Variants in GPR158 observed in about 807,000 individuals in gnomAD.
GPR158 encodes metabotropic glycine receptor.
Under a neutral mutation model 78.2 loss-of-function variants are expected in GPR158, and 30 were observed. That is an observed-to-expected ratio of 0.38 (90% CI 0.29 to 0.52). The LOEUF (loss-of-function observed/expected upper bound fraction) is 0.52. Among genes scored for constraint, GPR158 ranks in the 20% least tolerant of loss-of-function variants. The pLI is 0.83. For synonymous variants in GPR158, 581 were observed against 591.1 expected (o/e 0.98, Z 0.25); for missense variants, 1,463 against 1,523.5 (o/e 0.96, Z 0.66).
chr10:25,252,223 T>C (rs995024796), intron 2 of GPR158, among the ~76,000 whole-genome samples: 3 of 150,620 alleles, frequency 2.0e-5, no homozygotes, highest in Non-Finnish European at 4.5e-5. Context: ...TTCTAAATTT[T>C]TTTCAAAGTT....
At chr10:25,482,284 T>C (rs900308063) in intron 5 of GPR158, among the ~76,000 whole-genome samples, 2 of 152,080 alleles carry the variant, frequency 1.3e-5, no homozygotes, top group African/African-American at 2.4e-5. Context: ...TCTGGGCTTA[T>C]GCGATCCTCC....
intron 2 of GPR158, among the ~76,000 whole-genome samples, chr10:25,310,246 C>T (rs1452866468): frequency 6.6e-6 from 1 of 152,162 alleles, no homozygotes; most frequent in African/African-American, 2.4e-5. Context: ...CTGTTCAGTT[C>T]CATCAATCTA....
chr10:25,348,124 C>T (rs546286897), intron 2 of GPR158, among the ~76,000 whole-genome samples: 23 of 151,934 alleles, frequency 1.5e-4, no homozygotes, highest in South Asian at 8.3e-4. Context: ...TGCAGCTCTC[C>T]GAATCATCCT....
At chr10:25,202,162 A>T (rs1852938773) in intron 1 of GPR158, among the ~76,000 whole-genome samples, 1 of 151,894 alleles carries the variant, frequency 6.6e-6, no homozygotes, top group African/African-American at 2.4e-5. Context: ...TACTTTTTAT[A>T]CTGATTTAAT....
intron 4 of GPR158, among the ~76,000 whole-genome samples, chr10:25,445,878 A>T (rs1302662803): frequency 6.6e-6 from 1 of 152,142 alleles, no homozygotes; most frequent in African/African-American, 2.4e-5. Context: ...AACAGGTTTG[A>T]ATGGACAAAG....
intron 1 of GPR158, among the ~76,000 whole-genome samples, chr10:25,210,413 G>C (rs1271717908): frequency 6.6e-6 from 1 of 152,180 alleles, no homozygotes; most frequent in African/African-American, 2.4e-5. Context: ...TCATAGGGAG[G>C]GGTAAACTCA....
At chr10:25,382,266 A>G (rs547618559) in intron 2 of GPR158, among the ~76,000 whole-genome samples, 42 of 152,344 alleles carry the variant, frequency 2.8e-4, no homozygotes, top group Non-Finnish European at 5.0e-4. Flanking sequence ...TTCCTGAGTC[A>G]GTCTCAGCCC....
At chr10:25,395,763 A>T (rs1388340944) in intron 2 of GPR158, 148 bp from the exon 3 acceptor site, 2 of 499,158 alleles carry the variant, frequency 4.0e-6, no homozygotes, top group Non-Finnish European at 7.2e-6. Context: ...TGTTGGCACA[A>T]CAAAACTGAA....
Position 25,175,679 on chromosome 10 carries a change from T to G in GPR158, c.259T>G (p.Tyr87Asp). The G allele has an allele frequency of 6.2e-7, 1 of 1,611,630 alleles. No individual in the cohort carries two copies. Among genetic ancestry groups the G allele is most frequent in the Non-Finnish European group, 8.5e-7 (1 of 1,179,926 alleles). Reference sequence around the variant, plus strand: ...GCCCATGGACGTGGCCTCTTACCTCTACACCGGGGACTCCCACCAGCTGAA... The same window carrying G: ...GCCCATGGACGTGGCCTCTTACCTCGACACCGGGGACTCCCACCAGCTGAA... ...EVPMDVASYL[Y>D]TGDSHQLKRA... Residue 87 changes from tyrosine (Y) to aspartate (D), a missense_variant, in exon 1 of 11, where the codon TAC (tyrosine) becomes GAC (aspartate). Physicochemically the swap from Tyr to Asp is radical, Grantham distance 160. Transcript: ENST00000376351. The surrounding 1 kb of genome is among the most constrained non-coding windows in gnomAD (Gnocchi z 6.4).
chr10:25,582,552 CAG>C (rs762358744), intron 7 of GPR158, among the ~76,000 whole-genome samples: 5 of 152,178 alleles, frequency 3.3e-5, no homozygotes, highest in Admixed American at 3.3e-4. Flanking sequence ...GTTCTGGCCT[CAG>C]AGAGCCCCCA....
At chr10:25,354,946 A>G (rs34262156) in intron 2 of GPR158, among the ~76,000 whole-genome samples, 15,226 of 151,956 alleles carry the variant, frequency 0.1, 1,887 homozygotes, top group African/African-American at 0.3. Flanking sequence ...GAACTCCTTT[A>G]TATGCTATTT....
At chr10:25,353,996 A>G (rs1855512199) in intron 2 of GPR158, among the ~76,000 whole-genome samples, 2 of 152,144 alleles carry the variant, frequency 1.3e-5, no homozygotes, top group South Asian at 4.2e-4. Flanking sequence ...CATTTAGTGA[A>G]TCTATTATAG....
At chr10:25,539,485 C>T (rs1181678960) in intron 5 of GPR158, among the ~76,000 whole-genome samples, 1 of 150,070 alleles carries the variant, frequency 6.7e-6, no homozygotes, top group Non-Finnish European at 1.5e-5. Flanking sequence ...AACTTGTCCT[C>T]TTTGCCCTTG....
At chr10:25,222,326 T>G (rs111443942) in intron 2 of GPR158, among the ~76,000 whole-genome samples, 3,043 of 119,142 alleles carry the variant, frequency 0.026, 119 homozygotes, top group African/African-American at 0.092. Context: ...GCCCCCAACC[T>G]GTAAGAAGCC....
chr10:25,568,939 T>C (rs1374300425), intron 6 of GPR158, among the ~76,000 whole-genome samples: 1 of 152,212 alleles, frequency 6.6e-6, no homozygotes, highest in African/African-American at 2.4e-5. Flanking sequence ...TGAATTTTTT[T>C]CTACAGTTGT....
At chr10:25,284,663 T>A (rs1190035122) in intron 2 of GPR158, among the ~76,000 whole-genome samples, 5 of 152,008 alleles carry the variant, frequency 3.3e-5, no homozygotes. Flanking sequence ...TGTCTTGCTA[T>A]GCATTTTTTA....
intron 5 of GPR158, among the ~76,000 whole-genome samples, chr10:25,541,495 A>G (rs1836583438): frequency 6.6e-6 from 1 of 151,680 alleles, no homozygotes; most frequent in Non-Finnish European, 1.5e-5. Context: ...TCATGAAGAG[A>G]TTGTGTTCTA....
intron 1 of GPR158, among the ~76,000 whole-genome samples, chr10:25,213,747 A>T (rs1853166936): frequency 1.3e-5 from 2 of 152,272 alleles, no homozygotes; most frequent in Non-Finnish European, 2.9e-5. Context: ...GAAGGGAATG[A>T]TTTAAATTTT....
intron 1 of GPR158, among the ~76,000 whole-genome samples, chr10:25,190,221 C>T (rs886427866): frequency 3.3e-5 from 5 of 151,934 alleles, no homozygotes; most frequent in East Asian, 1.9e-4. Flanking sequence ...TTAAATATTC[C>T]GTTTGCCATT....
Sources: allele counts gnomAD v4.1 joint callset (sites outside exome capture counted in the v4.1 genomes callset), GRCh38; gene constraint gnomAD v4.1.1; non-coding constraint Gnocchi (gnomAD v3.1); transcripts MANE v1.5; gene names NCBI Gene and HGNC (gene_info 2026-07-23, HGNC 2026-07-21).